Variants in MYO5A observed in about 807,000 individuals in gnomAD.
The protein encoded by MYO5A is unconventional myosin-Va.
Under a neutral mutation model 249.7 loss-of-function variants are expected in MYO5A, and 98 were observed. The observed-to-expected ratio is 0.39, with a 90% CI of 0.33 to 0.46. The LOEUF (loss-of-function observed/expected upper bound fraction) is 0.46, where lower values mean the gene tolerates loss of function less well. Among genes scored for constraint, MYO5A ranks in the 20% least tolerant of loss-of-function variants. MYO5A has a pLI of 0.98. For missense variants in MYO5A, 1,696 were observed against 2,308.8 expected, an observed-to-expected ratio of 0.73 and a Z score of 5.44; for synonymous variants, 778 against 810.6, an observed-to-expected ratio of 0.96 and a Z score of 0.68.
At chr15:52,505,052 T>C in intron 1 of MYO5A, 1 of 520,684 alleles carries the variant, frequency 1.9e-6, no homozygotes, top group African/African-American at 1.9e-5. Context: ...TCGGGAGCTG[T>C]GGAGGTAGGA....
At chr15:52,472,400 T>C (rs1013744323) in intron 1 of MYO5A, among the ~76,000 whole-genome samples, 2 of 152,008 alleles carry the variant, frequency 1.3e-5, no homozygotes, top group East Asian at 1.9e-4. Flanking sequence ...TTTTTTTCAT[T>C]TTTTTTTATT....
chr15:52,440,990 G>A (rs928060185), intron 1 of MYO5A, among the ~76,000 whole-genome samples: 2 of 152,172 alleles, frequency 1.3e-5, no homozygotes, highest in African/African-American at 2.4e-5. Context: ...ATTCAATCAA[G>A]CATATTACAA....
At chr15:52,378,165 G>A (rs76800877) in intron 18 of MYO5A, among the ~76,000 whole-genome samples, 2,461 of 150,702 alleles carry the variant, frequency 0.016, 17 homozygotes, top group Middle Eastern at 0.068. Context: ...GCCTGGGTGA[G>A]AGGACCAGGA....
rs117345395 is a variant in MYO5A at position 52,449,552 on chromosome 15, C to A, written c.28-16267G>T. 5.9e-4 allele frequency among the ~76,000 whole-genome samples: 90 copies of A among 152,100 alleles called. No homozygotes were observed. The East Asian group carries it at 0.017, about 29-fold the overall frequency. ...TTCACCACTGACCCTGGCAGCCTAC[C>A]TGGAACACTCTGGCCTGGCATGGTT... On this transcript the variant is annotated intron_variant, in intron 1 of 41. Transcript: ENST00000399233.
chr15:52,358,138 C>T (rs568282282), intron 25 of MYO5A, among the ~76,000 whole-genome samples: 37 of 152,298 alleles, frequency 2.4e-4, no homozygotes, highest in Middle Eastern at 3.4e-3. Context: ...CCATGAAGAT[C>T]GGCAAGCGTG....
At chr15:52,419,611 G>A (rs951189562) in intron 4 of MYO5A, among the ~76,000 whole-genome samples, 1 of 152,046 alleles carries the variant, frequency 6.6e-6, no homozygotes, top group African/African-American at 2.4e-5. Context: ...ATGGTTGCTG[G>A]CACTGTTGAA....
intron 27 of MYO5A, among the ~76,000 whole-genome samples, chr15:52,352,687 G>A (rs1198214944): frequency 6.6e-6 from 1 of 152,098 alleles, no homozygotes; most frequent in Non-Finnish European, 1.5e-5. Context: ...GGAGGCTGAG[G>A]CAGGAGAATG....
intron 1 of MYO5A, among the ~76,000 whole-genome samples, chr15:52,451,489 T>G (rs553791664): frequency 6.6e-6 from 1 of 152,332 alleles, no homozygotes; most frequent in African/African-American, 2.4e-5. Flanking sequence ...TTAAAATCCT[T>G]TAATAACTTT....
chr15:52,528,842 G>A lies in MYO5A; in HGVS notation c.-36C>T, dbSNP rs1302261855. Reference sequence around the variant, plus strand: ...GCGCGCCTACGCCCCCCGCCTGTGCGGAGGCCGCACCTCGCCTGGGCGGCC... The same window carrying A: ...GCGCGCCTACGCCCCCCGCCTGTGCAGAGGCCGCACCTCGCCTGGGCGGCC... On this transcript the variant is annotated 5_prime_UTR_variant, in exon 1 of 42. Coordinates refer to ENST00000399233, the MANE Select transcript of MYO5A (RefSeq NM_001382347.1). 1.4e-6 allele frequency: 2 copies of A among 1,463,640 alleles called. No individual in the cohort carries two copies. Among genetic ancestry groups the A allele is most frequent in the East Asian group, 3.0e-5 (1 of 33,764 alleles). 90.7% of individuals were successfully genotyped at this position (1,463,640 alleles called of 1,614,324 possible). A position where few individuals can be genotyped will look rare whatever the true frequency, so the allele number is the denominator to read the frequency against.
chr15:52,449,308 T>G (rs1162391638), intron 1 of MYO5A, among the ~76,000 whole-genome samples: 1 of 152,128 alleles, frequency 6.6e-6, no homozygotes, highest in Non-Finnish European at 1.5e-5. Context: ...TGGACTGTAA[T>G]ACAGAATGTT....
chr15:52,437,467 T>C (rs963190036), intron 1 of MYO5A, among the ~76,000 whole-genome samples: 2 of 151,692 alleles, frequency 1.3e-5, no homozygotes, highest in African/African-American at 4.8e-5. Flanking sequence ...TGGTGGTTCG[T>C]GCCTGTAACC....
chr15:52,456,839 A>T (rs1485478875), intron 1 of MYO5A, among the ~76,000 whole-genome samples: 3 of 152,224 alleles, frequency 2.0e-5, no homozygotes, highest in Non-Finnish European at 4.4e-5. Flanking sequence ...TTAAAGGCTT[A>T]AATGTAAGAT....
At chr15:52,315,691 G>A (rs2037972735) in intron 40 of MYO5A, among the ~76,000 whole-genome samples, 1 of 150,624 alleles carries the variant, frequency 6.6e-6, no homozygotes, top group Admixed American at 6.6e-5. Context: ...TTTTTCTGTT[G>A]CCCAGGCTGG....
At chr15:52,472,136 T>G (rs1363498615) in intron 1 of MYO5A, among the ~76,000 whole-genome samples, 1 of 151,594 alleles carries the variant, frequency 6.6e-6, no homozygotes, top group Non-Finnish European at 1.5e-5. Context: ...TGGAGTGCAG[T>G]GGCAGGATCT....
Position 52,432,764 on chromosome 15 carries a change from T to C in MYO5A, c.138+411A>G, listed in dbSNP as rs1377147426. ...TAATTGGCCTAATTCTTCCCCGCCT[T>C]CCTCCCAACTAGTATCTTCCCCTCA... On this transcript the variant is annotated intron_variant, in intron 2 of 41. Transcript: ENST00000399233. Among the ~76,000 whole-genome samples, 3 of 152,140 alleles carry C rather than the reference T, an allele frequency of 2.0e-5. No homozygotes were observed. The East Asian group carries it at 5.8e-4, about 29-fold the overall frequency.
intron 31 of MYO5A, among the ~76,000 whole-genome samples, chr15:52,342,279 A>G (rs2039414297): frequency 6.6e-6 from 1 of 152,148 alleles, no homozygotes; most frequent in Admixed American, 6.6e-5. Context: ...GGATCGTTTG[A>G]GCCCAGGAGG....
chr15:52,449,192 C>G (rs1361871130), intron 1 of MYO5A, among the ~76,000 whole-genome samples: 2 of 152,010 alleles, frequency 1.3e-5, no homozygotes, highest in Non-Finnish European at 2.9e-5. Context: ...TGGTCTTGAA[C>G]TCCTGACTTC....
At position 52,428,405 on chromosome 15, in the gene MYO5A, C is replaced by A. The variant is rs770112853; in HGVS notation, c.303G>T (p.Thr101=). ...VRFIDSKLIY[T]YCGIVLVAIN... Reference sequence around the variant, plus strand: ...AAAGCAAAGCATACTTACCACAATACGTATAAATAAGTTTGGAATCAATAA... The same window carrying A: ...AAAGCAAAGCATACTTACCACAATAAGTATAAATAAGTTTGGAATCAATAA... Residue 101 remains threonine (T), a synonymous_variant, in exon 3 of 42, where the codon ACG becomes ACT. Coordinates refer to ENST00000399233, the MANE Select transcript of MYO5A (RefSeq NM_001382347.1). The A allele has an allele frequency of 2.5e-6, 4 of 1,613,498 alleles. No individual in the cohort carries two copies. Among genetic ancestry groups the A allele is most frequent in the African/African-American group, 2.7e-5 (2 of 74,872 alleles).
chr15:52,315,700 G>T (rs1352133813), intron 40 of MYO5A, among the ~76,000 whole-genome samples: 2 of 150,278 alleles, frequency 1.3e-5, no homozygotes, highest in Non-Finnish European at 3.0e-5. Flanking sequence ...TGCCCAGGCT[G>T]GAGTGCAGTG....
Sources: allele counts gnomAD v4.1 joint callset (sites outside exome capture counted in the v4.1 genomes callset), GRCh38; gene constraint gnomAD v4.1.1; transcripts MANE v1.5; gene names NCBI Gene and HGNC (gene_info 2026-07-23, HGNC 2026-07-21).